HECTD4: variants seen among roughly 807,000 people sequenced by gnomAD.
HECTD4 encodes HECT domain E3 ubiquitin protein ligase 4, also known as probable E3 ubiquitin-protein ligase HECTD4.
In HECTD4, 114 loss-of-function variants were observed where a neutral mutation model predicts 471.5. The observed-to-expected ratio is 0.24, with a 90% CI of 0.21 to 0.28. The LOEUF (loss-of-function observed/expected upper bound fraction) is 0.28, where lower values mean the gene tolerates loss of function less well. HECTD4 is among the 10% of genes least tolerant of loss of function. HECTD4 has a pLI of 1.00. For synonymous variants in HECTD4, 2,012 were observed against 2,256.0 expected, an observed-to-expected ratio of 0.89 and a Z score of 3.07; for missense variants, 3,866 against 5,651.5, an observed-to-expected ratio of 0.68 and a Z score of 10.13.
Position 112,194,823 on chromosome 12 carries a change from A to C in HECTD4, c.8749+62T>G. On this transcript the variant is annotated intron_variant, in intron 56 of 75. Coordinates refer to ENST00000682272, the MANE Select transcript of HECTD4 (RefSeq NM_001388303.1). This position sits in a 1 kb window ranked among gnomAD's most constrained non-coding sequence, Gnocchi z 4.6. ...TCGCCCTCATGCAGGGAATGACTAC[A>C]CTGTGCACAGCGCCCGCCTGGTGCT... The C allele has an allele frequency of 6.9e-7, 1 of 1,458,160 alleles. No individual in the cohort carries two copies. The highest frequency in any genetic ancestry group is 9.4e-7 in the Non-Finnish European group (1 of 1,063,038). 90.3% of individuals were successfully genotyped at this position (1,458,160 alleles called of 1,614,324 possible).
At chr12:112,298,218 T>C (rs1297514040) in intron 7 of HECTD4, among the ~76,000 whole-genome samples, 1 of 151,350 alleles carries the variant, frequency 6.6e-6, no homozygotes, top group African/African-American at 2.4e-5. Flanking sequence ...ATCAGGAGAG[T>C]TGGTTTTGTT....
At chr12:112,265,063 C>G (rs550241547) in intron 16 of HECTD4, 112 bp downstream of exon 16, 1 of 1,029,070 alleles carries the variant, frequency 9.7e-7, no homozygotes, top group South Asian at 2.4e-5. Context: ...CTGCGCCCGG[C>G]CTTTCATAAA....
chr12:112,293,862 T>G (rs1430271274), intron 7 of HECTD4, among the ~76,000 whole-genome samples: 1 of 152,186 alleles, frequency 6.6e-6, no homozygotes, highest in Non-Finnish European at 1.5e-5. Context: ...TAGCTATTAC[T>G]AAGCTTGAAG....
intron 1 of HECTD4, among the ~76,000 whole-genome samples, chr12:112,323,828 AT>A (rs1352823493): frequency 3.3e-5 from 5 of 151,910 alleles, no homozygotes; most frequent in African/African-American, 1.2e-4. Context: ...TAAAGATTAA[AT>A]AAAAGGAAAA....
chr12:112,357,038 A>G (rs2036353832), intron 1 of HECTD4, among the ~76,000 whole-genome samples: 1 of 152,186 alleles, frequency 6.6e-6, no homozygotes, highest in Non-Finnish European at 1.5e-5. Flanking sequence ...TTTCCAGAGT[A>G]ATTTAAAAAG....
At position 112,162,758 on chromosome 12, in the gene HECTD4, C is replaced by A. The variant is rs906619276; in HGVS notation, c.13121-235G>T. The stretch of plus-strand genomic sequence containing the variant: ...ACTGCTGATGGGTTTGTCTGCCCAG[C>A]AAATTGTTTCTTTTTTTTTTTTTTT... On this transcript the variant is annotated intron_variant, in intron 75 of 75. Coordinates refer to ENST00000682272, the MANE Select transcript of HECTD4 (RefSeq NM_001388303.1). This position sits in a 1 kb window ranked among gnomAD's most constrained non-coding sequence, Gnocchi z 5.2. 15 of 546,830 alleles carry A rather than the reference C, an allele frequency of 2.7e-5. No individual in the cohort carries two copies. Among genetic ancestry groups the A allele is most frequent in the African/African-American group, 3.9e-5 (2 of 51,932 alleles). 33.9% of individuals were successfully genotyped at this position (546,830 alleles called of 1,614,324 possible).
chr12:112,291,938 TG>T (rs2034897316), intron 7 of HECTD4, among the ~76,000 whole-genome samples: 1 of 152,216 alleles, frequency 6.6e-6, no homozygotes, highest in South Asian at 2.1e-4. Flanking sequence ...CCAAACAAGA[TG>T]CAACCTACAC....
chr12:112,180,299 G>A (rs1240344421), intron 62 of HECTD4, among the ~76,000 whole-genome samples: 2 of 152,206 alleles, frequency 1.3e-5, no homozygotes, highest in Non-Finnish European at 1.5e-5. Flanking sequence ...TGTAATCCCA[G>A]CACTTTGGAA....
chr12:112,177,582 G>T (rs1251304164), intron 64 of HECTD4, among the ~76,000 whole-genome samples: 1 of 152,014 alleles, frequency 6.6e-6, no homozygotes, highest in African/African-American at 2.4e-5. Flanking sequence ...AGGTTTCACC[G>T]TGTTAGCCAG....
chr12:112,252,397 T>C, intron 23 of HECTD4, 27 bp downstream of exon 23: 1 of 1,564,722 alleles, frequency 6.4e-7, no homozygotes. Context: ...GTACATTTTG[T>C]CCACGGCAGT....
At chr12:112,164,009 T>C (rs1226563208) in intron 73 of HECTD4, 100 bp downstream of exon 73, 2 of 1,240,778 alleles carry the variant, frequency 1.6e-6, no homozygotes, top group Non-Finnish European at 2.1e-6. Context: ...TCACCTGACC[T>C]AGGTCCTCGT....
chr12:112,268,936 G>A (rs1453553429), intron 13 of HECTD4, among the ~76,000 whole-genome samples: 9 of 131,484 alleles, frequency 6.8e-5, no homozygotes, highest in South Asian at 5.7e-4. Context: ...GTGCAGTGGC[G>A]CGATCTCGAC....
chr12:112,193,180 C>T lies in HECTD4; in HGVS notation c.8967G>A (p.Glu2989=), dbSNP rs1416313605. The change falls in exon 58 of 76, where the codon GAG becomes GAA. Residue 2989 remains glutamate, a synonymous_variant. Transcript: ENST00000682272. This position sits in a 1 kb window ranked among gnomAD's most constrained non-coding sequence, Gnocchi z 5.2. ...QICSFLQTAP[E]QFPSEEFPIS... is the part of the protein sequence containing the mutation. ...TTGGGAACTCTTCGGAGGGGAACTG[C>T]TCTGGTGCTGTCTGCAAAGAGACAC... 6.2e-7 allele frequency: 1 copy of T among 1,613,794 alleles called. No individual in the cohort carries two copies. Among genetic ancestry groups the T allele is most frequent in the African/African-American group, 1.3e-5 (1 of 74,918 alleles).
intron 1 of HECTD4, among the ~76,000 whole-genome samples, chr12:112,363,268 ACTCTCT>A (rs948596691): frequency 6.7e-6 from 1 of 148,910 alleles, no homozygotes; most frequent in Admixed American, 6.7e-5. Context: ...GCATACACAC[ACTCTCT>A]CTCTCTCTCT....
At chr12:112,337,966 G>A (rs1212132099) in intron 1 of HECTD4, among the ~76,000 whole-genome samples, 1 of 152,164 alleles carries the variant, frequency 6.6e-6, no homozygotes, top group Non-Finnish European at 1.5e-5. Flanking sequence ...CATTATATTA[G>A]TTTCCTGTGC....
chr12:112,382,297 C>A lies in HECTD4; in HGVS notation c.-169G>T, dbSNP rs568565796. On this transcript the variant is annotated 5_prime_UTR_variant, in exon 1 of 76. Transcript: ENST00000682272. ...CCCTAGGCGGTCCGAGTCGCCATACCCCCGACCCCGGCCCGGGAGACCCCG... is the reference window on the plus strand; with the variant it reads ...CCCTAGGCGGTCCGAGTCGCCATACACCCGACCCCGGCCCGGGAGACCCCG... The A allele has an allele frequency of 2.1e-5, 11 of 532,862 alleles. No individual in the cohort carries two copies. The highest frequency in any genetic ancestry group is 1.8e-4 in the African/African-American group (9 of 48,714). 33.0% of individuals were successfully genotyped at this position (532,862 alleles called of 1,614,324 possible).
At chr12:112,369,060 C>T (rs956149961) in intron 1 of HECTD4, among the ~76,000 whole-genome samples, 4 of 152,154 alleles carry the variant, frequency 2.6e-5, no homozygotes, top group South Asian at 2.1e-4. Context: ...CAAACCATCA[C>T]GGAGTAAGGA....
chr12:112,218,108 A>T (rs1346403832), intron 45 of HECTD4, among the ~76,000 whole-genome samples: 1 of 151,788 alleles, frequency 6.6e-6, no homozygotes, highest in Non-Finnish European at 1.5e-5. Flanking sequence ...CAGTGAGCTA[A>T]GATCAGGCCA....
intron 54 of HECTD4, among the ~76,000 whole-genome samples, chr12:112,201,787 G>A (rs903127205): frequency 9.9e-5 from 15 of 152,042 alleles, no homozygotes; most frequent in African/African-American, 3.6e-4. Flanking sequence ...TATGTTCATT[G>A]TTTTTATGTT....
Sources: allele counts gnomAD v4.1 joint callset (sites outside exome capture counted in the v4.1 genomes callset), GRCh38; gene constraint gnomAD v4.1.1; non-coding constraint Gnocchi (gnomAD v3.1); transcripts MANE v1.5; gene names NCBI Gene and HGNC (gene_info 2026-07-23, HGNC 2026-07-21).